The following FAM171B variants were observed in gnomAD, a reference collection of about 807,000 sequenced individuals.
The protein encoded by FAM171B is protein FAM171B.
In FAM171B, 19 loss-of-function variants were observed where a neutral mutation model predicts 75.6. The ratio of observed to expected loss-of-function variants is 0.25; its 90% CI spans 0.18 to 0.37. FAM171B has a LOEUF of 0.37. Ranked by LOEUF, FAM171B falls within the 10% of genes least tolerant of loss-of-function variation. The pLI, the probability that FAM171B is intolerant of heterozygous loss-of-function variation, is 1.00. For synonymous variants in FAM171B, 367 were observed against 361.7 expected, an observed-to-expected ratio of 1.01 and a Z score of -0.17; for missense variants, 848 against 982.4, an observed-to-expected ratio of 0.86 and a Z score of 1.83.
chr2:186,708,447 T>C (rs554313194), intron 1 of FAM171B, among the ~76,000 whole-genome samples: 3 of 152,236 alleles, frequency 2.0e-5, no homozygotes, highest in African/African-American at 7.2e-5. Flanking sequence ...TACATCATCA[T>C]TGCTTGCAGA....
At position 186,694,416 on chromosome 2, in the gene FAM171B, G is replaced by A. The variant is rs1689546145; in HGVS notation, c.238+5G>A. 1 of 1,608,232 alleles carries A rather than the reference G, an allele frequency of 6.2e-7. No individual in the cohort carries two copies. The highest frequency in any genetic ancestry group is 8.5e-7 in the Non-Finnish European group (1 of 1,176,674). ...CCTCCACCTTGACGGTTCCAGGTAG[G>A]TCCTGGCTGCCCAGCCCGGTCTTTC... On this transcript the variant is annotated splice_donor_5th_base_variant and intron_variant, in intron 1 of 7. Coordinates refer to ENST00000304698, the MANE Select transcript of FAM171B (RefSeq NM_177454.4).
At chr2:186,730,739 A>G (rs1025220977) in intron 1 of FAM171B, among the ~76,000 whole-genome samples, 2 of 152,246 alleles carry the variant, frequency 1.3e-5, no homozygotes, top group Non-Finnish European at 2.9e-5. Context: ...AAAACATTTT[A>G]TAAATCAAAT....
At chr2:186,694,448 G>C in intron 1 of FAM171B, 37 bp downstream of exon 1, 1 of 1,589,610 alleles carries the variant, frequency 6.3e-7, no homozygotes, top group Non-Finnish European at 8.6e-7. Flanking sequence ...TTTCAGTCTC[G>C]GCCGGCGATC....
chr2:186,761,291 A>G (rs2105793558), intron 7 of FAM171B, 55 bp downstream of exon 7: 10 of 1,590,558 alleles, frequency 6.3e-6, no homozygotes, highest in Non-Finnish European at 8.5e-6. Context: ...TCATTTCAGT[A>G]TATTCTGTAC....
chr2:186,716,407 TTGG>T (rs1285078344), intron 1 of FAM171B, among the ~76,000 whole-genome samples: 1 of 152,208 alleles, frequency 6.6e-6, no homozygotes, highest in Non-Finnish European at 1.5e-5. Context: ...CTGTCTTGAA[TTGG>T]TGTCAGTCAT....
At chr2:186,706,971 A>G (rs1233716101) in intron 1 of FAM171B, among the ~76,000 whole-genome samples, 1 of 152,168 alleles carries the variant, frequency 6.6e-6, no homozygotes, top group Admixed American at 6.6e-5. Flanking sequence ...GAAAGTGGAA[A>G]CAAAATTTAT....
chr2:186,746,957 A>G (rs1690373162), intron 3 of FAM171B, 135 bp from the exon 4 acceptor site: 5 of 646,034 alleles, frequency 7.7e-6, no homozygotes, highest in Non-Finnish European at 1.3e-5. Flanking sequence ...CTGCATTTAA[A>G]ATAATTACAT....
rs781327530 is a variant in FAM171B, at chr2:186,751,202, C to T, written c.793C>T (p.Leu265=). 1.9e-6 allele frequency: 3 copies of T among 1,611,866 alleles called. No individual in the cohort carries two copies. The highest frequency in any genetic ancestry group is 2.5e-6 in the Non-Finnish European group (3 of 1,178,534). ...GAAAATATATTCTGGAGGAAAAGAA[C>T]TAAAGGTCAATGGCTCTATTCAAGT... ...CVKIYSGGKE[L]KVNGSIQVSL... Residue 265 remains leucine (L), a synonymous_variant, in exon 5 of 8, where the codon CTA becomes TTA. Coordinates refer to ENST00000304698, the MANE Select transcript of FAM171B (RefSeq NM_177454.4).
chr2:186,724,855 G>A (rs767591375), intron 1 of FAM171B, among the ~76,000 whole-genome samples: 1 of 152,186 alleles, frequency 6.6e-6, no homozygotes, highest in Non-Finnish European at 1.5e-5. Flanking sequence ...CAGAGATGCA[G>A]TGGGCTCAGA....
chr2:186,732,152 A>G (rs2105782763), intron 1 of FAM171B, among the ~76,000 whole-genome samples: 1 of 133,384 alleles, frequency 7.5e-6, no homozygotes, highest in Admixed American at 8.1e-5. Flanking sequence ...AGGCACTGAT[A>G]TATCTTACTA....
intron 7 of FAM171B, 113 bp downstream of exon 7, chr2:186,761,349 T>A (rs1690612267): frequency 5.6e-6 from 8 of 1,438,350 alleles, no homozygotes. Context: ...TAATATATCC[T>A]TTTTTATTTT....
At chr2:186,744,316 G>C (rs546203625) in intron 3 of FAM171B, among the ~76,000 whole-genome samples, 4 of 152,152 alleles carry the variant, frequency 2.6e-5, no homozygotes, top group Non-Finnish European at 5.9e-5. Context: ...AGTCCAGTAA[G>C]AGCGTCATGG....
intron 6 of FAM171B, among the ~76,000 whole-genome samples, chr2:186,759,554 T>C (rs1399900456): frequency 6.6e-6 from 1 of 152,156 alleles, no homozygotes; most frequent in Admixed American, 6.6e-5. Context: ...GATAAGATGA[T>C]CTTATAGTAG....
chr2:186,706,565 C>T (rs1689736125), intron 1 of FAM171B, among the ~76,000 whole-genome samples: 1 of 152,084 alleles, frequency 6.6e-6, no homozygotes, highest in South Asian at 2.1e-4. Context: ...TTCTGGTGTT[C>T]CAAAGATAAA....
At chr2:186,732,980 A>G (rs1379317841) in intron 1 of FAM171B, among the ~76,000 whole-genome samples, 2 of 152,110 alleles carry the variant, frequency 1.3e-5, no homozygotes, top group Non-Finnish European at 2.9e-5. Flanking sequence ...GTGACCAATT[A>G]TTATTATAGA....
chr2:186,696,126 G>A (rs1343225002), intron 1 of FAM171B, among the ~76,000 whole-genome samples: 2 of 151,888 alleles, frequency 1.3e-5, no homozygotes, highest in East Asian at 3.9e-4. Context: ...TGATTGTCTG[G>A]GAAATTAGCA....
intron 2 of FAM171B, among the ~76,000 whole-genome samples, chr2:186,743,060 A>G (rs1184274664): frequency 6.6e-6 from 1 of 152,182 alleles, no homozygotes; most frequent in Non-Finnish European, 1.5e-5. Flanking sequence ...TAAAAGTGAA[A>G]AGTGGATATA....
chr2:186,740,301 A>C lies in FAM171B; in HGVS notation c.312A>C (p.Glu104Asp). Residue 104 changes from glutamate to aspartate, a missense_variant, in exon 2 of 8, where the codon GAA becomes GAC. Glu to Asp is a conservative substitution (Grantham distance 45). Around this residue, in one of 3 missense-constraint regions of FAM171B, gnomAD observed 665 missense variants for 729.0 expected, o/e 0.91. Transcript: ENST00000304698. ...AGTACCTGAGCCAAGCAGTTGTAGAAGTGTTTGTAAACTACACGAAGACAA... is the reference window on the plus strand; with the variant it reads ...AGTACCTGAGCCAAGCAGTTGTAGACGTGTTTGTAAACTACACGAAGACAA... ...SRQYLSQAVVEVFVNYTKTNS... is the reference protein window; with the variant it reads ...SRQYLSQAVVDVFVNYTKTNS... 1 of 1,614,094 alleles carries C rather than the reference A, an allele frequency of 6.2e-7. No individual in the cohort carries two copies. Among genetic ancestry groups the C allele is most frequent in the South Asian group, 1.1e-5 (1 of 91,074 alleles).
chr2:186,711,198 T>C (rs1689805245), intron 1 of FAM171B, among the ~76,000 whole-genome samples: 1 of 152,204 alleles, frequency 6.6e-6, no homozygotes, highest in Non-Finnish European at 1.5e-5. Flanking sequence ...TTTACTTATA[T>C]TAATATTATA....
Sources: gnomAD v4.1 joint callset for allele counts (sites outside exome capture counted in the v4.1 genomes callset) on GRCh38, gnomAD v4.1.1 for gene constraint, gnomAD v4.1.1 regional missense constraint, MANE v1.5 for transcripts, NCBI Gene and HGNC (gene_info 2026-07-23, HGNC 2026-07-21) for gene names.